Variants in PSME4 observed in about 807,000 individuals in gnomAD.
PSME4 encodes the protein proteasome activator subunit 4.
A neutral mutation model predicts 253.9 loss-of-function variants in PSME4; 89 were observed. The observed-to-expected ratio is 0.35, with a 90% CI of 0.30 to 0.42. The LOEUF is 0.42. Ranked by LOEUF, PSME4 falls within the 10% of genes least tolerant of loss-of-function variation. PSME4 has a pLI of 1.00. For missense variants in PSME4, 2,014 were observed against 2,195.2 expected (o/e 0.92, Z 1.65); for synonymous variants, 851 against 759.2 (o/e 1.12, Z -1.99).
chr2:53,930,571 T>C (rs951727171), intron 10 of PSME4, among the ~76,000 whole-genome samples: 3 of 152,158 alleles, frequency 2.0e-5, no homozygotes, highest in Non-Finnish European at 4.4e-5. Context: ...GATGTATATG[T>C]AAAAATAGGA....
intron 1 of PSME4, among the ~76,000 whole-genome samples, chr2:53,959,818 G>A (rs894122014): frequency 2.6e-5 from 4 of 152,110 alleles, no homozygotes; most frequent in East Asian, 1.9e-4. Context: ...CATTTCTAGA[G>A]CAAACAACAC....
chr2:53,909,853 T>G (rs1471232236), intron 21 of PSME4, among the ~76,000 whole-genome samples: 1 of 151,904 alleles, frequency 6.6e-6, no homozygotes, highest in African/African-American at 2.4e-5. Context: ...TCCTAGCTAT[T>G]TGGGAGGCTG....
At chr2:53,956,346 C>G (rs911833273) in intron 1 of PSME4, among the ~76,000 whole-genome samples, 34 of 151,524 alleles carry the variant, frequency 2.2e-4, no homozygotes, top group African/African-American at 8.0e-4. Context: ...CTCGTCAACA[C>G]GGTGAAACCC....
intron 3 of PSME4, among the ~76,000 whole-genome samples, chr2:53,940,940 A>AT (rs1558413493): frequency 7.8e-5 from 4 of 51,314 alleles, no homozygotes; most frequent in African/African-American, 4.0e-4. Flanking sequence ...TACATATATA[A>AT]ATATATATAT....
In PSME4 at chr2:53,906,636, T is replaced by C; in HGVS notation, c.2905A>G (p.Arg969Gly). The C allele has an allele frequency of 3.7e-6, 6 of 1,602,472 alleles. No homozygotes were observed. The highest frequency in any genetic ancestry group is 1.7e-5 in the Admixed American group (1 of 57,420). Residue 969 changes from arginine (R) to glycine (G), a missense_variant, in exon 26 of 47, where the codon AGA becomes GGA. By Grantham distance (125) the Arg-to-Gly change is moderately radical. Coordinates refer to ENST00000404125, the MANE Select transcript of PSME4 (RefSeq NM_014614.3). Reference sequence around the variant, plus strand: ...CTTGTAGATAAACGAAGAAGATCTCTGATCATATCTTGATGTATCTTTTTG... The same window carrying C: ...CTTGTAGATAAACGAAGAAGATCTCCGATCATATCTTGATGTATCTTTTTG... ...EYKKIHQDMI[R>G]DLLRLSTSSY...
intron 36 of PSME4, among the ~76,000 whole-genome samples, chr2:53,892,305 T>G (rs567832630): frequency 4.2e-4 from 64 of 152,246 alleles, no homozygotes; most frequent in African/African-American, 1.5e-3. Context: ...TGAACTAACC[T>G]TAAAGGCAGG....
At chr2:53,959,584 T>C (rs533146957) in intron 1 of PSME4, among the ~76,000 whole-genome samples, 110 of 152,246 alleles carry the variant, frequency 7.2e-4, no homozygotes, top group African/African-American at 2.3e-3. Context: ...GGTTTCACCA[T>C]ATAGAAATAA....
intron 1 of PSME4, among the ~76,000 whole-genome samples, chr2:53,954,527 C>G (rs1670147142): frequency 6.6e-6 from 1 of 152,018 alleles, no homozygotes. Context: ...AATCCTTCAT[C>G]TAGCAATACT....
rs1679086189 is a variant in PSME4 at position 53,875,736 on chromosome 2, T to C, written c.4835A>G (p.Asp1612Gly). 6.2e-7 allele frequency: 1 copy of C among 1,611,558 alleles called. No homozygotes were observed. The highest frequency in any genetic ancestry group is 1.3e-5 in the African/African-American group (1 of 74,920). The change falls in exon 42 of 47, where the codon GAC becomes GGC. Residue 1612 changes from aspartate (D) to glycine (G), a missense_variant. Physicochemically the swap from Asp to Gly is moderately conservative, Grantham distance 94 (BLOSUM62 -1). Around this residue, in one of 4 missense-constraint regions of PSME4, gnomAD observed 403 missense variants for 556.1 expected, o/e 0.72. Transcript: ENST00000404125. The part of the protein sequence containing the change: ...LFFKIAPVEN[D>G]NSYDELKRDA... ...TCTTTTCAGTTCATCGTAGCTATTG[T>C]CATTTTCCACTGGGGCAATCTAAAA...
intron 43 of PSME4, chr2:53,870,836 T>C (rs1678842366): frequency 6.6e-6 from 1 of 152,134 alleles, no homozygotes; most frequent in Admixed American, 6.5e-5. Context: ...ACTTTTTTTT[T>C]TGTTGCCCAG....
chr2:53,896,241 T>G (rs1352585435), intron 32 of PSME4, among the ~76,000 whole-genome samples: 1 of 152,174 alleles, frequency 6.6e-6, no homozygotes, highest in Admixed American at 6.5e-5. Context: ...AATTATTTCA[T>G]CAACAGACTT....
intron 44 of PSME4, among the ~76,000 whole-genome samples, chr2:53,867,275 C>A (rs1040461656): frequency 6.6e-6 from 1 of 152,024 alleles, no homozygotes; most frequent in African/African-American, 2.4e-5. Flanking sequence ...GAGACCAGGG[C>A]GGGTGGATGA....
chr2:53,952,066 C>T (rs1670024348), intron 1 of PSME4, among the ~76,000 whole-genome samples: 1 of 150,040 alleles, frequency 6.7e-6, no homozygotes, highest in Non-Finnish European at 1.5e-5. Context: ...AAAACTGGAA[C>T]ACATTTTTAA....
Position 53,901,404 on chromosome 2 carries a change from A to C in PSME4, c.3231T>G (p.Asp1077Glu), listed in dbSNP as rs759066410. ...GCCTATGAATCTTTTCTGCAAGATC[A>C]TCAAACAATCTCACTATTGATGGCT... ...LEKPSIVRLFDDLAEKIHRQY... is the reference protein window; with the variant it reads ...LEKPSIVRLFEDLAEKIHRQY... The change falls in exon 28 of 47, where the codon GAT (aspartate) becomes GAG (glutamate). Residue 1077 changes from aspartate to glutamate, a missense_variant. By Grantham distance (45) the Asp-to-Glu change is conservative. Transcript: ENST00000404125. 6.2e-7 allele frequency: 1 copy of C among 1,614,210 alleles called. No individual in the cohort carries two copies. Among genetic ancestry groups the C allele is most frequent in the Non-Finnish European group, 8.5e-7 (1 of 1,180,024 alleles).
chr2:53,869,400 C>T lies in PSME4; in HGVS notation c.5239G>A (p.Val1747Ile). The change falls in exon 44 of 47, where the codon GTA becomes ATA. Residue 1747 changes from valine (V) to isoleucine (I), a missense_variant. Transcript: ENST00000404125. ...PKKRKRDPGS[V>I]GDTIPSAELV... ...CCTGCAGAAGGAATGGTATCTCCTACAGAACCAGGGTCTCGCTTTCTTTTC... is the reference window on the plus strand; with the variant it reads ...CCTGCAGAAGGAATGGTATCTCCTATAGAACCAGGGTCTCGCTTTCTTTTC... 2 of 1,610,264 alleles carry T rather than the reference C, an allele frequency of 1.2e-6. No individual in the cohort carries two copies. The highest frequency in any genetic ancestry group is 1.7e-6 in the Non-Finnish European group (2 of 1,177,328).
chr2:53,944,210 G>A (rs1391373592), intron 3 of PSME4, among the ~76,000 whole-genome samples: 1 of 152,082 alleles, frequency 6.6e-6, no homozygotes, highest in East Asian at 1.9e-4. Context: ...CCAGGCTGGA[G>A]TGCAGTGGGA....
chr2:53,960,763 G>A (rs1442924887), intron 1 of PSME4, among the ~76,000 whole-genome samples: 2 of 152,194 alleles, frequency 1.3e-5, no homozygotes, highest in Admixed American at 6.6e-5. Context: ...CTGGGTACCA[G>A]TTGCTTTTGA....
intron 28 of PSME4, 151 bp downstream of exon 28, chr2:53,901,199 A>G (rs1340703015): frequency 1.4e-6 from 1 of 725,876 alleles, no homozygotes; most frequent in African/African-American, 1.8e-5. Flanking sequence ...TGAAAGTACA[A>G]AAAGCAAACA....
At chr2:53,873,370 C>T (rs889679858) in intron 43 of PSME4, among the ~76,000 whole-genome samples, 39 of 151,898 alleles carry the variant, frequency 2.6e-4, no homozygotes, top group African/African-American at 9.0e-4. Flanking sequence ...TCCATTCCTA[C>T]TTTCCTGTGA....
Sources: allele counts gnomAD v4.1 joint callset (sites outside exome capture counted in the v4.1 genomes callset), GRCh38; gene constraint gnomAD v4.1.1; regional missense constraint gnomAD v4.1.1; transcripts MANE v1.5; gene names NCBI Gene and HGNC (gene_info 2026-07-23, HGNC 2026-07-21).